The following MYO10 variants were observed in gnomAD, a reference collection of about 807,000 sequenced individuals.
MYO10 encodes unconventional myosin-X.
Under a neutral mutation model 257.3 loss-of-function variants are expected in MYO10, and 133 were observed. That is an observed-to-expected ratio of 0.52 (90% CI 0.45 to 0.60). The LOEUF (loss-of-function observed/expected upper bound fraction) is 0.60, where lower values mean the gene tolerates loss of function less well. Ranked by LOEUF, MYO10 falls within the 20% of genes least tolerant of loss-of-function variation. MYO10 has a pLI of 0.00. For missense variants in MYO10, 2,399 were observed against 2,635.7 expected (o/e 0.91, Z 1.97); for synonymous variants, 1,104 against 1,028.6 (o/e 1.07, Z -1.40).
At position 16,679,112 on chromosome 5, in the gene MYO10, G is replaced by C. The variant is rs150643565; in HGVS notation, c.4542+835C>G. ...ATGTAACATGCTCGGTGTTAATAGA[G>C]AGACTCAGGAGCTTCTGGAAGTTTG... On this transcript the variant is annotated intron_variant, in intron 33 of 40. Coordinates refer to ENST00000513610, the MANE Select transcript of MYO10 (RefSeq NM_012334.3). 1.2e-4 allele frequency among the ~76,000 whole-genome samples: 19 copies of C among 152,292 alleles called. No individual in the cohort carries two copies. The East Asian group carries it at 3.3e-3, about 26-fold the overall frequency.
At chr5:16,680,890 C>T (rs1736962614) in intron 32 of MYO10, among the ~76,000 whole-genome samples, 1 of 152,044 alleles carries the variant, frequency 6.6e-6, no homozygotes, top group African/African-American at 2.4e-5. Context: ...AGCTACTCCT[C>T]GGGAGGCTGA....
intron 2 of MYO10, among the ~76,000 whole-genome samples, chr5:16,828,455 C>T (rs1031842715): frequency 6.6e-6 from 1 of 151,906 alleles, no homozygotes; most frequent in African/African-American, 2.4e-5. Context: ...CCCGTCTCTA[C>T]TAAAAATAAC....
In MYO10 at chr5:16,701,031, G is replaced by A. The variant is rs138565696; in HGVS notation, c.3364C>T (p.Arg1122Cys). 1.1e-4 allele frequency: 174 copies of A among 1,563,250 alleles called. No homozygotes were observed. In the African/African-American group the frequency reaches 2.1e-3, roughly 19 times the overall value. ...CTGTTGTAGGTCCCCACAGAGCAGC[G>A]GTAGTCGGGGGACCACTGGCTGCCG... ...SYGSQWSPDYRCSVGTYNSSG... is the reference protein window; with the variant it reads ...SYGSQWSPDYCCSVGTYNSSG... Residue 1122 changes from arginine to cysteine, a missense_variant, in exon 25 of 41, where the codon CGC becomes TGC. Around this residue, in one of 3 missense-constraint regions of MYO10, gnomAD observed 1,820 missense variants for 1,939.4 expected, o/e 0.94. Transcript: ENST00000513610. This position sits in a 1 kb window ranked among gnomAD's most constrained non-coding sequence, Gnocchi z 8.1.
intron 19 of MYO10, among the ~76,000 whole-genome samples, chr5:16,739,815 T>A (rs1739946453): frequency 6.6e-6 from 1 of 152,170 alleles, no homozygotes; most frequent in African/African-American, 2.4e-5. Context: ...GGTAAAATTA[T>A]GGGTAACTAA....
chr5:16,889,301 G>A (rs1308573689), intron 1 of MYO10, among the ~76,000 whole-genome samples: 9 of 151,914 alleles, frequency 5.9e-5, no homozygotes. Context: ...AGGCAGTCGG[G>A]AGGCTGAGGC....
chr5:16,709,302 G>T (rs959519743), intron 21 of MYO10, among the ~76,000 whole-genome samples: 2 of 152,168 alleles, frequency 1.3e-5, no homozygotes, highest in African/African-American at 2.4e-5. Flanking sequence ...ACCTGCGGGG[G>T]GCACACCCTC....
At position 16,783,444 on chromosome 5, in the gene MYO10, C is replaced by T. The variant is rs779272966; in HGVS notation, c.493G>A (p.Glu165Lys). The T allele has an allele frequency of 1.9e-5, 30 of 1,610,836 alleles. No homozygotes were observed. Among genetic ancestry groups the T allele is most frequent in the Admixed American group, 3.4e-5 (2 of 59,532 alleles). ...AACTTGAGGATCAATTTAGTGCTTT[C>T]GGTTTTACCTGCCCCACTTTCACCA... ...ISGESGAGKT[E>K]STKLILKFLS... The change falls in exon 5 of 41, where the codon GAA becomes AAA. Residue 165 changes from glutamate (E) to lysine (K), a missense_variant. By Grantham distance (56) the Glu-to-Lys change is moderately conservative. Coordinates refer to ENST00000513610, the MANE Select transcript of MYO10 (RefSeq NM_012334.3).
chr5:16,722,280 T>TC (rs1381205600), intron 19 of MYO10, among the ~76,000 whole-genome samples: 8 of 152,198 alleles, frequency 5.3e-5, no homozygotes, highest in Admixed American at 3.9e-4. Flanking sequence ...CCATGTGAAC[T>TC]CCCCATTAAA....
chr5:16,857,610 G>T (rs946038469), intron 2 of MYO10, among the ~76,000 whole-genome samples: 1 of 152,184 alleles, frequency 6.6e-6, no homozygotes, highest in African/African-American at 2.4e-5. Flanking sequence ...AGAATTCAGT[G>T]GTTTCACAGG....
Position 16,663,728 on chromosome 5 carries a change from GACAC to G in MYO10, c.*2960_*2963del. The G allele has an allele frequency of 6.6e-6, 1 of 152,120 alleles. No individual in the cohort carries two copies. Among genetic ancestry groups the G allele is most frequent in the Middle Eastern group, 3.4e-3 (1 of 294 alleles). The allele number at this position is 152,120 out of a possible 1,614,324, so 9.4% of individuals were successfully genotyped here. A position where few individuals can be genotyped will look rare whatever the true frequency, so the allele number is the denominator to read the frequency against. ...TCAAATAAACAATGTTTAAAACACA[GACAC>G]ACACGGTATAACAGCTATTTATGCA... On this transcript the variant is annotated 3_prime_UTR_variant, in exon 41 of 41. Transcript: ENST00000513610.
intron 19 of MYO10, among the ~76,000 whole-genome samples, chr5:16,749,252 T>G (rs1740309520): frequency 6.6e-6 from 1 of 152,060 alleles, no homozygotes; most frequent in East Asian, 1.9e-4. Context: ...TTTGGGAGGC[T>G]GAGGCAGGTG....
intron 24 of MYO10, among the ~76,000 whole-genome samples, chr5:16,702,297 C>G (rs1161893976): frequency 2.0e-5 from 3 of 152,214 alleles, no homozygotes; most frequent in Non-Finnish European, 4.4e-5. Flanking sequence ...GTGGGCCTAG[C>G]AAACTAACAC....
rs773198222 is a variant in MYO10, at chr5:16,766,070, G to C, written c.1179+10C>G. ...TAGTAACGCAAGATCAGATGGCAAAGCGTGTGTACCTGTTGAACATTGAGA... is the reference window on the plus strand; with the variant it reads ...TAGTAACGCAAGATCAGATGGCAAACCGTGTGTACCTGTTGAACATTGAGA... On this transcript the variant is annotated intron_variant, in intron 11 of 40. Coordinates refer to ENST00000513610, the MANE Select transcript of MYO10 (RefSeq NM_012334.3). 4.5e-5 allele frequency: 72 copies of C among 1,583,718 alleles called. No homozygotes were observed. The South Asian group carries it at 7.4e-4, about 16-fold the overall frequency.
chr5:16,675,919 C>T (rs1014474922), intron 34 of MYO10, 112 bp downstream of exon 34: 50 of 1,285,510 alleles, frequency 3.9e-5, no homozygotes, highest in Middle Eastern at 2.3e-4. Context: ...CAATTCACGA[C>T]GAATAAGAGA....
intron 2 of MYO10, among the ~76,000 whole-genome samples, chr5:16,825,290 C>T (rs1019531060): frequency 5.9e-5 from 9 of 152,190 alleles, no homozygotes; most frequent in African/African-American, 1.4e-4. Context: ...TATTCTATCA[C>T]GTGTGTGTCC....
rs573452047 is a variant in MYO10 at position 16,869,520 on chromosome 5, GACTGGACC to G, written c.120+8081_120+8088del. Among the ~76,000 whole-genome samples the G allele has an allele frequency of 9.0e-4, 137 of 152,108 alleles. 2 individuals carry two copies. The highest frequency in any genetic ancestry group is 3.1e-3 in the African/African-American group (129 of 41,522). On this transcript the variant is annotated intron_variant, in intron 2 of 40. Transcript: ENST00000513610. ...AAGCCCAGGAGTTACAATGAGCTAC[GACTGGACC>G]ACTGCACCCCAGCCTAGATGACAGA...
intron 1 of MYO10, among the ~76,000 whole-genome samples, chr5:16,925,886 G>A (rs1247014217): frequency 1.3e-5 from 2 of 152,146 alleles, no homozygotes; most frequent in African/African-American, 4.8e-5. Context: ...TGGAATATTT[G>A]CAAGACACCA....
intron 2 of MYO10, among the ~76,000 whole-genome samples, chr5:16,832,776 T>C (rs1467347082): frequency 6.6e-6 from 1 of 152,182 alleles, no homozygotes; most frequent in African/African-American, 2.4e-5. Flanking sequence ...CACCTTGATG[T>C]TTCACAAGCA....
intron 1 of MYO10, among the ~76,000 whole-genome samples, chr5:16,933,540 G>A (rs1746351309): frequency 2.0e-5 from 3 of 152,184 alleles, no homozygotes; most frequent in African/African-American, 7.2e-5. Flanking sequence ...GGAAAAGTTA[G>A]CAAAGACAGA....
Sources: allele counts gnomAD v4.1 joint callset (sites outside exome capture counted in the v4.1 genomes callset), GRCh38; gene constraint gnomAD v4.1.1; regional missense constraint gnomAD v4.1.1; non-coding constraint Gnocchi (gnomAD v3.1); transcripts MANE v1.5; gene names NCBI Gene and HGNC (gene_info 2026-07-23, HGNC 2026-07-21).